Variants in KY observed in about 807,000 individuals in gnomAD.
KY encodes the protein kyphoscoliosis peptidase.
KY carries 43 observed loss-of-function variants against 76.1 expected under a neutral mutation model. The observed-to-expected ratio is 0.57, with a 90% CI of 0.44 to 0.73. The LOEUF (loss-of-function observed/expected upper bound fraction) is 0.73, where lower values mean the gene tolerates loss of function less well. KY is among the 30% of genes least tolerant of loss of function. KY has a pLI of 0.00. For missense variants in KY, 722 were observed against 828.9 expected (o/e 0.87, Z 1.58); for synonymous variants, 277 against 326.2 (o/e 0.85, Z 1.63).
chr3:134,634,619 C>T (rs1224659027), intron 3 of KY, among the ~76,000 whole-genome samples: 5 of 152,202 alleles, frequency 3.3e-5, no homozygotes, highest in African/African-American at 1.2e-4. Flanking sequence ...GACATCACAT[C>T]TATTAGAAGA....
intron 3 of KY, among the ~76,000 whole-genome samples, chr3:134,631,618 T>C (rs554750547): frequency 6.6e-6 from 1 of 152,140 alleles, no homozygotes; most frequent in African/African-American, 2.4e-5. Flanking sequence ...TATATGGAGG[T>C]AAGACTTCCT....
Position 134,619,165 on chromosome 3 carries a change from G to A in KY, c.693C>T (p.Leu231=). The A allele has an allele frequency of 1.2e-6, 2 of 1,613,904 alleles. No homozygotes were observed. Among genetic ancestry groups the A allele is most frequent in the Non-Finnish European group, 1.7e-6 (2 of 1,179,816 alleles). Residue 231 remains leucine, a synonymous_variant, in exon 8 of 11, where the codon CTC becomes CTT. Transcript: ENST00000423778. ...QKTNCDGYAG[L]FERMCRLAGV... is the part of the protein sequence containing the mutation. ...TCTCGTACCTGCACATTCTCTCGAA[G>A]AGGCCAGCATAGCCATCACAGTTGG...
intron 3 of KY, among the ~76,000 whole-genome samples, chr3:134,632,455 A>G (rs1279739869): frequency 1.3e-5 from 2 of 152,068 alleles, no homozygotes; most frequent in Non-Finnish European, 2.9e-5. Flanking sequence ...AAAAACAGAA[A>G]GCAACTGGAA....
intron 3 of KY, chr3:134,639,949 C>CAAAAAAAA (rs35930137): frequency 1.4e-4 from 7 of 49,654 alleles, no homozygotes; most frequent in Admixed American, 6.6e-4. Flanking sequence ...CACCCTGTCT[C>CAAAAAAAA]AAAAAAAAAA....
At position 134,612,137 on chromosome 3, in the gene KY, C is replaced by T. The variant is rs113591007; in HGVS notation, c.711-1754G>A. On this transcript the variant is annotated intron_variant, in intron 8 of 10. Coordinates refer to ENST00000423778, the MANE Select transcript of KY (RefSeq NM_178554.6). ...CCTTAGGGGCTTGGAAGTTTTCTAG[C>T]CCCCGCCCTTTTGCCTGTTGCTTCA... is the stretch of plus-strand genomic sequence containing the variant. 5.6e-3 allele frequency among the ~76,000 whole-genome samples: 856 copies of T among 152,264 alleles called. 5 individuals are homozygous for T. The highest frequency in any genetic ancestry group is 0.02 in the African/African-American group (825 of 41,552).
intron 6 of KY, among the ~76,000 whole-genome samples, chr3:134,624,167 C>A (rs1345682507): frequency 1.3e-5 from 2 of 152,130 alleles, no homozygotes; most frequent in Non-Finnish European, 2.9e-5. Flanking sequence ...TATCTGGGAG[C>A]CCCTCTCCCC....
intron 8 of KY, among the ~76,000 whole-genome samples, chr3:134,616,310 A>G (rs1288542863): frequency 6.6e-6 from 1 of 152,246 alleles, no homozygotes; most frequent in Admixed American, 6.5e-5. Flanking sequence ...AAATTACTTT[A>G]TTAAATCAGT....
intron 2 of KY, among the ~76,000 whole-genome samples, chr3:134,645,871 T>C (rs1231871393): frequency 1.3e-5 from 2 of 152,214 alleles, no homozygotes; most frequent in Non-Finnish European, 2.9e-5. Flanking sequence ...TTTGTGATAT[T>C]TTTCCACTAA....
Position 134,600,694 on chromosome 3 carries a change from A to G in KY, c.*2885T>C, listed in dbSNP as rs1277571336. On this transcript the variant is annotated 3_prime_UTR_variant, in exon 11 of 11. Transcript: ENST00000423778. ...GAGTTTGATCGGTTCCAATCCTTCAATGGTATAGTAATGAGTGTAGTCACA... is the reference window on the plus strand; with the variant it reads ...GAGTTTGATCGGTTCCAATCCTTCAGTGGTATAGTAATGAGTGTAGTCACA... 6.6e-6 allele frequency: 1 copy of G among 152,220 alleles called. No individual in the cohort carries two copies. The highest frequency in any genetic ancestry group is 1.5e-5 in the Non-Finnish European group (1 of 68,078). The allele number at this position is 152,220 out of a possible 1,614,324, so 9.4% of individuals were successfully genotyped here.
At chr3:134,637,020 C>CT (rs1394684723) in intron 3 of KY, among the ~76,000 whole-genome samples, 46 of 152,284 alleles carry the variant, frequency 3.0e-4, no homozygotes, top group African/African-American at 9.9e-4. Flanking sequence ...ACAATACTGT[C>CT]TTTTTTGTGT....
At chr3:134,628,006 C>A in intron 4 of KY, 188 bp from the exon 5 acceptor site, 1 of 608,344 alleles carries the variant, frequency 1.6e-6, no homozygotes, top group Non-Finnish European at 2.9e-6. Flanking sequence ...CCTGGTGTGG[C>A]AGAAGGAAGA....
intron 8 of KY, chr3:134,610,624 G>GCTC (rs1477012641): frequency 2.1e-6 from 1 of 465,430 alleles, no homozygotes; most frequent in Non-Finnish European, 3.8e-6. Flanking sequence ...TCCGCTGTCT[G>GCTC]CTCCTCCCCT....
At chr3:134,637,924 C>T (rs1028131590) in intron 3 of KY, among the ~76,000 whole-genome samples, 1 of 152,238 alleles carries the variant, frequency 6.6e-6, no homozygotes, top group East Asian at 1.9e-4. Flanking sequence ...CCAGATGCTC[C>T]AGCCATCACT....
At chr3:134,618,229 T>C (rs1421442268) in intron 8 of KY, among the ~76,000 whole-genome samples, 1 of 152,014 alleles carries the variant, frequency 6.6e-6, no homozygotes, top group Non-Finnish European at 1.5e-5. Flanking sequence ...CAGGAATAGG[T>C]TGCATGCACC....
intron 2 of KY, among the ~76,000 whole-genome samples, chr3:134,643,910 T>C (rs909576066): frequency 4.0e-5 from 6 of 150,868 alleles, no homozygotes; most frequent in Admixed American, 1.3e-4. Context: ...CACTGCAAGC[T>C]CCGCCTCCTG....
At chr3:134,624,433 A>G (rs1963145731) in intron 6 of KY, among the ~76,000 whole-genome samples, 2 of 152,204 alleles carry the variant, frequency 1.3e-5, no homozygotes, top group South Asian at 2.1e-4. Context: ...TTTTAAGACC[A>G]CTTAATGTCC....
At chr3:134,646,122 A>T (rs185583445) in intron 2 of KY, among the ~76,000 whole-genome samples, 21 of 152,156 alleles carry the variant, frequency 1.4e-4, no homozygotes, top group Non-Finnish European at 2.1e-4. Context: ...CATGCCCTGC[A>T]TGGCCATTTC....
At chr3:134,614,209 G>A (rs1374766354) in intron 8 of KY, among the ~76,000 whole-genome samples, 1 of 152,048 alleles carries the variant, frequency 6.6e-6, no homozygotes, top group African/African-American at 2.4e-5. Context: ...CGGAAGGAGG[G>A]GCCGAGGACT....
intron 10 of KY, chr3:134,607,479 G>A (rs1959399743): frequency 2.0e-6 from 2 of 985,538 alleles, no homozygotes; most frequent in African/African-American, 1.7e-5. Context: ...CTGGGCGGAT[G>A]GAGGCCCCAG....
Sources: gnomAD v4.1 joint callset for allele counts (sites outside exome capture counted in the v4.1 genomes callset) on GRCh38, gnomAD v4.1.1 for gene constraint, MANE v1.5 for transcripts, NCBI Gene and HGNC (gene_info 2026-07-23, HGNC 2026-07-21) for gene names.